The following ZNF83 variants were observed in gnomAD, a reference collection of about 807,000 sequenced individuals.
ZNF83 encodes zinc finger protein 816B.
For synonymous variants in ZNF83, 209 were observed against 213.0 expected, an observed-to-expected ratio of 0.98 and a Z score of 0.17; for missense variants, 552 against 629.9, an observed-to-expected ratio of 0.88 and a Z score of 1.32.
intron 1 of ZNF83, among the ~76,000 whole-genome samples, chr19:52,677,991 C>T (rs538365442): frequency 6.6e-6 from 1 of 151,820 alleles, no homozygotes; most frequent in South Asian, 2.1e-4. Flanking sequence ...GCCAAGATTG[C>T]ACCACTGCAC....
In ZNF83 at chr19:52,653,063, A is replaced by G. The variant is rs1411219824; in HGVS notation, c.-74+2498T>C. The G allele has an allele frequency of 8.1e-6, 12 of 1,487,526 alleles. No homozygotes were observed. In the African/African-American group the frequency reaches 1.7e-4, roughly 21 times the overall value. 92.1% of individuals were successfully genotyped at this position (1,487,526 alleles called of 1,614,324 possible). A position where few individuals can be genotyped will look rare whatever the true frequency, so the allele number is the denominator to read the frequency against. ...ACCTTGCCACATTCATTACACTTGT[A>G]AGGTTTCTCTCCAGTATGAATTGCC... On this transcript the variant is annotated intron_variant, in intron 3 of 5. Coordinates refer to the ZNF83 transcript ENST00000594682.
intron 1 of ZNF83, among the ~76,000 whole-genome samples, chr19:52,685,695 G>A (rs928754032): frequency 2.0e-4 from 31 of 151,944 alleles, no homozygotes; most frequent in Non-Finnish European, 2.6e-4. Flanking sequence ...TCAGGAGCTC[G>A]AGACCAGCCT....
chr19:52,673,499 A>G (rs2061755229), intron 1 of ZNF83, among the ~76,000 whole-genome samples: 2 of 139,760 alleles, frequency 1.4e-5, no homozygotes, highest in African/African-American at 2.6e-5. Context: ...GTGTAACTCC[A>G]TCACACACAC....
intron 1 of ZNF83, among the ~76,000 whole-genome samples, chr19:52,689,982 C>G (rs894441349): frequency 2.0e-5 from 3 of 152,118 alleles, no homozygotes; most frequent in Non-Finnish European, 4.4e-5. Flanking sequence ...AGGTGGGGGG[C>G]GACGGCGCCT....
chr19:52,663,050 C>G (rs1004303321), intron 1 of ZNF83, among the ~76,000 whole-genome samples: 2 of 151,988 alleles, frequency 1.3e-5, no homozygotes, highest in African/African-American at 4.8e-5. Context: ...GTGGTCCCAG[C>G]TATTTGGGAG....
intron 2 of ZNF83, among the ~76,000 whole-genome samples, chr19:52,623,303 C>T (rs958821123): frequency 2.0e-5 from 3 of 151,722 alleles, no homozygotes; most frequent in African/African-American, 2.4e-5. Context: ...GGGCGTAAGT[C>T]CATCCCCTGT....
At chr19:52,613,125 A>G (rs770489114) in exon 3 of ZNF83, 2 of 1,614,086 alleles carry the variant, frequency 1.2e-6, no homozygotes, top group Non-Finnish European at 1.7e-6. Flanking sequence ...GTTTCTCTCC[A>G]GTGTGGATCG....
At chr19:52,645,998 G>A (rs1362756728) in intron 3 of ZNF83, among the ~76,000 whole-genome samples, 1 of 152,084 alleles carries the variant, frequency 6.6e-6, no homozygotes, top group Non-Finnish European at 1.5e-5. Context: ...GCAGGGCAGT[G>A]GCATGATTTC....
chr19:52,660,325 T>C (rs1373197500), intron 2 of ZNF83, among the ~76,000 whole-genome samples: 2 of 152,118 alleles, frequency 1.3e-5, no homozygotes, highest in Non-Finnish European at 2.9e-5. Flanking sequence ...TCCAGATATC[T>C]GCAGTGAAGT....
intron 3 of ZNF83, among the ~76,000 whole-genome samples, chr19:52,643,804 C>T (rs1600220725): frequency 2.0e-5 from 3 of 152,090 alleles, no homozygotes; most frequent in South Asian, 2.1e-4. Context: ...TGAGCCTAGA[C>T]CTGAAGGAGG....
At chr19:52,676,932 G>C (rs1238727971) in intron 1 of ZNF83, among the ~76,000 whole-genome samples, 1 of 139,846 alleles carries the variant, frequency 7.2e-6, no homozygotes, top group East Asian at 2.0e-4. Flanking sequence ...AAGGCAGCAT[G>C]CTCCTTAAGA....
At chr19:52,680,606 ATTTTTT>A (rs556558292) in intron 1 of ZNF83, among the ~76,000 whole-genome samples, 9,999 of 88,724 alleles carry the variant, frequency 0.11, 256 homozygotes, top group Middle Eastern at 0.18. Flanking sequence ...TCCACAAAAT[ATTTTTT>A]TTTTTTTTTT....
chr19:52,637,237 T>G (rs2061180031), intron 1 of ZNF83, among the ~76,000 whole-genome samples: 1 of 152,180 alleles, frequency 6.6e-6, no homozygotes, highest in African/African-American at 2.4e-5. Flanking sequence ...CTCCCATCTC[T>G]GTGCATCCTC....
At chr19:52,683,258 GTGTGTGTGTGTGTGTGTGTGTGTA>G (rs1443258671) in intron 1 of ZNF83, among the ~76,000 whole-genome samples, 1,792 of 113,946 alleles carry the variant, frequency 0.016, 39 homozygotes, top group African/African-American at 0.046. Flanking sequence ...GTGTGTGTGT[GTGTGTGTGTGTGTGTGTGTGTGTA>G]TGCTCACGTG....
At chr19:52,658,429 G>A (rs1371170490) in intron 2 of ZNF83, among the ~76,000 whole-genome samples, 1 of 152,114 alleles carries the variant, frequency 6.6e-6, no homozygotes, top group African/African-American at 2.4e-5. Flanking sequence ...AGCCAGGTGT[G>A]GTGGTGCGCA....
chr19:52,652,712 A>T, intron 3 of ZNF83: 1 of 672,292 alleles, frequency 1.5e-6, no homozygotes, highest in Non-Finnish European at 2.6e-6. Context: ...ACTTTGTGAG[A>T]ATCATTACAT....
chr19:52,656,177 C>T (rs1045763291), intron 2 of ZNF83, among the ~76,000 whole-genome samples: 1 of 151,696 alleles, frequency 6.6e-6, no homozygotes, highest in African/African-American at 2.4e-5. Flanking sequence ...TGTGCCACTG[C>T]AATTCAGCTT....
chr19:52,659,270 A>AC (rs1306777371), intron 2 of ZNF83, among the ~76,000 whole-genome samples: 1 of 151,836 alleles, frequency 6.6e-6, no homozygotes, highest in Non-Finnish European at 1.5e-5. Context: ...GAGGAACGCG[A>AC]CCCCCGAAAA....
intron 1 of ZNF83, among the ~76,000 whole-genome samples, chr19:52,681,563 G>C (rs2147352275): frequency 6.6e-6 from 1 of 152,270 alleles, no homozygotes; most frequent in South Asian, 2.1e-4. Context: ...ATAACATACT[G>C]TCCCATGAAG....
Sources: gnomAD v4.1 joint callset for allele counts (sites outside exome capture counted in the v4.1 genomes callset) on GRCh38, gnomAD v4.1.1 for gene constraint, MANE v1.5 for transcripts, NCBI Gene and HGNC (gene_info 2026-07-23, HGNC 2026-07-21) for gene names.